FGGY: variants seen among roughly 807,000 people sequenced by gnomAD.
The protein encoded by FGGY is FGGY carbohydrate kinase domain-containing protein.
FGGY carries 72 observed loss-of-function variants against 71.3 expected under a neutral mutation model. That is an observed-to-expected ratio of 1.01 (90% CI 0.84 to 1.23). The LOEUF is 1.23. Among genes scored for constraint, FGGY ranks in the 50% most tolerant of loss-of-function variants. The pLI, the probability that FGGY is intolerant of heterozygous loss-of-function variation, is 0.00. For synonymous variants in FGGY, 251 were observed against 250.3 expected (o/e 1.00, Z -0.02); for missense variants, 668 against 682.3 (o/e 0.98, Z 0.23).
chr1:59,672,451 G>A (rs1441578720), intron 13 of FGGY, among the ~76,000 whole-genome samples: 1 of 152,190 alleles, frequency 6.6e-6, no homozygotes, highest in African/African-American at 2.4e-5. Context: ...ATCCCCATTT[G>A]CATTTGGGAA....
At chr1:59,608,557 A>G (rs2096645539) in intron 9 of FGGY, among the ~76,000 whole-genome samples, 1 of 152,198 alleles carries the variant, frequency 6.6e-6, no homozygotes. Flanking sequence ...GCCATGCGGT[A>G]CACAGTGGCT....
intron 14 of FGGY, among the ~76,000 whole-genome samples, chr1:59,731,174 C>T (rs944032593): frequency 6.6e-6 from 1 of 152,212 alleles, no homozygotes; most frequent in African/African-American, 2.4e-5. Context: ...TGTTCATTTT[C>T]TTTAAGATTT....
chr1:59,304,412 G>T (rs777123326), intron 1 of FGGY, among the ~76,000 whole-genome samples: 1 of 151,814 alleles, frequency 6.6e-6, no homozygotes, highest in Non-Finnish European at 1.5e-5. Flanking sequence ...GTTTTCTATT[G>T]GTTCCATTAG....
chr1:59,732,984 C>G (rs143419044), intron 14 of FGGY, among the ~76,000 whole-genome samples: 36 of 152,198 alleles, frequency 2.4e-4, no homozygotes, highest in Non-Finnish European at 3.7e-4. Context: ...TTCATTCGCT[C>G]TGCTTCAAAG....
chr1:59,367,331 G>A (rs2153234321), intron 4 of FGGY, among the ~76,000 whole-genome samples: 2 of 152,318 alleles, frequency 1.3e-5, no homozygotes, highest in African/African-American at 4.8e-5. Context: ...TGACATTGAA[G>A]ATTACGTCTC....
intron 5 of FGGY, among the ~76,000 whole-genome samples, chr1:59,441,006 T>C (rs1247186354): frequency 6.6e-6 from 1 of 152,146 alleles, no homozygotes; most frequent in Non-Finnish European, 1.5e-5. Context: ...CGTTTTTCTC[T>C]GGTATTTATT....
chr1:59,677,961 A>G (rs931839085), intron 14 of FGGY, among the ~76,000 whole-genome samples: 1 of 152,146 alleles, frequency 6.6e-6, no homozygotes, highest in African/African-American at 2.4e-5. Context: ...AAGGATACTG[A>G]CATAGCCATT....
At chr1:59,593,099 G>T (rs2096475712) in intron 8 of FGGY, among the ~76,000 whole-genome samples, 1 of 152,182 alleles carries the variant, frequency 6.6e-6, no homozygotes, top group South Asian at 2.1e-4. Context: ...GAGAGCTAGG[G>T]AAGGCCCCAC....
intron 5 of FGGY, among the ~76,000 whole-genome samples, chr1:59,413,638 A>C (rs1169435651): frequency 6.6e-6 from 1 of 152,030 alleles, no homozygotes; most frequent in Non-Finnish European, 1.5e-5. Flanking sequence ...AAATTCATTT[A>C]GGTACCAAAC....
intron 3 of FGGY, 42 bp from the exon 4 acceptor site, chr1:59,346,205 G>A (rs2051853319): frequency 6.2e-7 from 1 of 1,608,100 alleles, no homozygotes; most frequent in Admixed American, 1.7e-5. Context: ...TTAGAAGGAA[G>A]AGAATGTGTG....
intron 7 of FGGY, among the ~76,000 whole-genome samples, chr1:59,531,397 T>C (rs1267710030): frequency 6.6e-6 from 1 of 152,078 alleles, no homozygotes; most frequent in African/African-American, 2.4e-5. Context: ...TGAATTTTTT[T>C]TTCTGGCAAC....
chr1:59,517,297 G>A (rs1407492139), intron 7 of FGGY, among the ~76,000 whole-genome samples: 84 of 113,028 alleles, frequency 7.4e-4, no homozygotes, highest in African/African-American at 2.7e-3. Flanking sequence ...ACGGAGTCTC[G>A]CTCTGTCGCC....
At chr1:59,522,631 C>G (rs2094867614) in intron 7 of FGGY, among the ~76,000 whole-genome samples, 1 of 152,144 alleles carries the variant, frequency 6.6e-6, no homozygotes, top group Admixed American at 6.5e-5. Context: ...CTTACAATCT[C>G]AATCTCAAAG....
intron 9 of FGGY, among the ~76,000 whole-genome samples, chr1:59,613,499 T>C (rs1201159775): frequency 6.6e-6 from 1 of 152,150 alleles, no homozygotes; most frequent in South Asian, 2.1e-4. Context: ...TTCAAAGTAG[T>C]GTGTAGAGGG....
intron 14 of FGGY, among the ~76,000 whole-genome samples, chr1:59,709,877 C>T (rs1427769029): frequency 2.0e-5 from 3 of 152,190 alleles, no homozygotes; most frequent in Non-Finnish European, 4.4e-5. Flanking sequence ...ACATGGAACC[C>T]CTCTGTGTGT....
At chr1:59,555,669 G>A (rs541343065) in intron 8 of FGGY, among the ~76,000 whole-genome samples, 6 of 152,252 alleles carry the variant, frequency 3.9e-5, no homozygotes, top group African/African-American at 1.4e-4. Flanking sequence ...TTTGGGCTCT[G>A]GGCAGTCTTG....
At position 59,718,482 on chromosome 1, in the gene FGGY, G is replaced by C. The variant is rs538676709; in HGVS notation, c.1513-39449G>C. Among the ~76,000 whole-genome samples the C allele has an allele frequency of 5.3e-5, 8 of 152,258 alleles. No homozygotes were observed. In the East Asian group the frequency reaches 1.5e-3, roughly 29 times the overall value. On this transcript the variant is annotated intron_variant, in intron 14 of 15. Coordinates refer to ENST00000303721, the MANE Select transcript of FGGY (RefSeq NM_018291.5). ...TTTCTTGCAGTTCCTACAGAGCCTG[G>C]CATGGGGCAGAGGGTGGCTCTCTAC...
At chr1:59,334,152 AT>A (rs879269068) in intron 2 of FGGY, among the ~76,000 whole-genome samples, 14 of 151,504 alleles carry the variant, frequency 9.2e-5, no homozygotes, top group Non-Finnish European at 1.3e-4. Flanking sequence ...ATTTTGTTTT[AT>A]TTTTTTTGAG....
At chr1:59,495,622 A>C (rs764701268) in intron 6 of FGGY, among the ~76,000 whole-genome samples, 11 of 152,018 alleles carry the variant, frequency 7.2e-5, no homozygotes, top group African/African-American at 2.4e-5. Context: ...TAGGTTTTAC[A>C]TCTAAGTCTT....
Sources: allele counts gnomAD v4.1 joint callset (sites outside exome capture counted in the v4.1 genomes callset), GRCh38; gene constraint gnomAD v4.1.1; transcripts MANE v1.5; gene names NCBI Gene and HGNC (gene_info 2026-07-23, HGNC 2026-07-21).